The following IPO4 variants were observed in gnomAD, a reference collection of about 807,000 sequenced individuals.
IPO4 encodes the protein importin-4.
Under a neutral mutation model 133.5 loss-of-function variants are expected in IPO4, and 91 were observed. The ratio of observed to expected loss-of-function variants is 0.68; its 90% CI spans 0.58 to 0.81. The LOEUF (loss-of-function observed/expected upper bound fraction) is 0.81, where lower values mean the gene tolerates loss of function less well. Among genes scored for constraint, IPO4 ranks in the 30% least tolerant of loss-of-function variants. The pLI, the probability that IPO4 is intolerant of heterozygous loss-of-function variation, is 0.00. For missense variants in IPO4, 1,279 were observed against 1,386.2 expected (o/e 0.92, Z 1.23); for synonymous variants, 607 against 581.6 (o/e 1.04, Z -0.63).
chr14:24,180,831 G>A, intron 28 of IPO4, 73 bp from the exon 29 acceptor site: 2 of 1,328,146 alleles, frequency 1.5e-6, no homozygotes, highest in African/African-American at 2.9e-5. Context: ...CAGGACCAAG[G>A]AGTGGCAGAA....
intron 7 of IPO4, 40 bp downstream of exon 7, chr14:24,187,045 C>T (rs2295978): frequency 0.31 from 503,971 of 1,611,544 alleles, 80,529 homozygotes; most frequent in East Asian, 0.45. Context: ...GACACTTCTG[C>T]ACTCTCCTTC....
rs1393759470 is a variant in IPO4 at position 24,184,704 on chromosome 14, C to T, written c.1582G>A (p.Glu528Lys). The T allele has an allele frequency of 6.2e-7, 1 of 1,612,798 alleles. No homozygotes were observed. Among genetic ancestry groups the T allele is most frequent in the Non-Finnish European group, 8.5e-7 (1 of 1,179,500 alleles). ...YFPAIMEHLR[E>K]FLLTGREDLQ... Reference sequence around the variant, plus strand: ...TCCTCACGGCCTGTTAACAGGAATTCCCGCAGGTGCTCCATGATGGCAGGG... The same window carrying T: ...TCCTCACGGCCTGTTAACAGGAATTTCCGCAGGTGCTCCATGATGGCAGGG... The change falls in exon 16 of 30, where the codon GAA (glutamate) becomes AAA (lysine). Residue 528 changes from glutamate to lysine, a missense_variant. Coordinates refer to ENST00000354464, the MANE Select transcript of IPO4 (RefSeq NM_024658.4).
Position 24,184,898 on chromosome 14 carries a change from C to T in IPO4, c.1491G>A (p.Lys497=), listed in dbSNP as rs539293941. The change falls in exon 15 of 30, where the codon AAG becomes AAA. Residue 497 remains lysine (K), a synonymous_variant. Coordinates refer to ENST00000354464, the MANE Select transcript of IPO4 (RefSeq NM_024658.4). ...CTCCCAGGGCGCTCACAGCCAGCTC[C>T]TTGGCCCGGGGACTGCTGGGGTTCC... is the stretch of plus-strand genomic sequence containing the variant. The part of the protein sequence containing the change: ...LLRNPSSPRA[K]ELAVSALGAI... 3.1e-6 allele frequency: 5 copies of T among 1,614,134 alleles called. No individual in the cohort carries two copies. The South Asian group carries it at 4.4e-5, about 14-fold the overall frequency.
At chr14:24,184,176 C>T (rs925446062) in intron 17 of IPO4, 67 bp from the exon 18 acceptor site, 72 of 1,566,820 alleles carry the variant, frequency 4.6e-5, no homozygotes, top group Admixed American at 1.4e-4. Flanking sequence ...TGGGGGAGCC[C>T]GGGAACACCT....
intron 4 of IPO4, 86 bp downstream of exon 4, chr14:24,188,130 C>T: frequency 7.1e-7 from 1 of 1,398,646 alleles, no homozygotes; most frequent in Non-Finnish European, 1.0e-6. Flanking sequence ...AGTCCCTGCC[C>T]CACAAGTCCC....
At position 24,181,789 on chromosome 14, in the gene IPO4, A is replaced by T. The variant is rs750428999; in HGVS notation, c.2862T>A (p.His954Gln). 6.2e-7 allele frequency: 1 copy of T among 1,600,914 alleles called. No homozygotes were observed. Among genetic ancestry groups the T allele is most frequent in the African/African-American group, 1.3e-5 (1 of 74,712 alleles). ...CACAGATGTTGTCACGGACACGATC[A>T]TGTCGCTCCCGCGCCAGGAGGGGAA... ...LLFPLLARER[H>Q]DRVRDNICGA... is the part of the protein sequence containing the mutation. The change falls in exon 27 of 30, where the codon CAT becomes CAA. Residue 954 changes from histidine (H) to glutamine (Q), a missense_variant. This residue lies in a region of IPO4 where 575 missense variants were observed against 653.4 expected (regional missense o/e 0.88). Coordinates refer to ENST00000354464, the MANE Select transcript of IPO4 (RefSeq NM_024658.4).
At chr14:24,186,537 G>C in intron 9 of IPO4, 86 bp from the exon 10 acceptor site, 3 of 1,480,968 alleles carry the variant, frequency 2.0e-6, no homozygotes, top group Non-Finnish European at 2.7e-6. Flanking sequence ...CAGGCCATAA[G>C]GGGTCTGACA....
At position 24,183,832 on chromosome 14, in the gene IPO4, C is replaced by G. The variant is rs1435886435; in HGVS notation, c.1936G>C (p.Glu646Gln). The part of the protein sequence containing the change: ...DDESDGEEEE[E>Q]LMDEDVEEED... The stretch of plus-strand genomic sequence containing the variant: ...TCTTCCACATCCTCATCCATGAGCT[C>G]CTCCTCTTCTTCCCCATCACTCTCA... Residue 646 changes from glutamate (E) to glutamine (Q), a missense_variant, in exon 19 of 30, where the codon GAG (glutamate) becomes CAG (glutamine). Coordinates refer to ENST00000354464, the MANE Select transcript of IPO4 (RefSeq NM_024658.4). The G allele has an allele frequency of 1.2e-6, 2 of 1,614,010 alleles. No homozygotes were observed. Among genetic ancestry groups the G allele is most frequent in the Admixed American group, 1.7e-5 (1 of 60,000 alleles).
At chr14:24,182,637 T>TAA in intron 24 of IPO4, 155 bp downstream of exon 24, 1 of 990,536 alleles carries the variant, frequency 1.0e-6, no homozygotes, top group Non-Finnish European at 1.6e-6. Context: ...GAACTCCCAC[T>TAA]GGCTTAGTGG....
chr14:24,183,972 G>GGGGCCCCCCCCCCCCC, intron 18 of IPO4, 26 bp downstream of exon 18: 1 of 1,573,252 alleles, frequency 6.4e-7, no homozygotes, highest in Non-Finnish European at 8.6e-7. Context: ...GGCAGGCCTG[G>GGGGCCCCCCCCCCCCC]CCCAGCCCAC....
intron 9 of IPO4, 123 bp from the exon 10 acceptor site, chr14:24,186,574 G>A: frequency 7.3e-7 from 1 of 1,364,176 alleles, no homozygotes; most frequent in South Asian, 1.3e-5. Context: ...CCAGGCAGGA[G>A]CTGGGGTGAG....
At chr14:24,186,546 C>T (rs751027718) in intron 9 of IPO4, 95 bp from the exon 10 acceptor site, 17 of 1,454,932 alleles carry the variant, frequency 1.2e-5, no homozygotes, top group Non-Finnish European at 1.5e-5. Flanking sequence ...AGGGGTCTGA[C>T]AGAAAATTCC....
chr14:24,186,313 C>T lies in IPO4; in HGVS notation c.979G>A (p.Glu327Lys). ...TGTACAGCGAAATGCTTGGGAGTCT[C>T]CCCCATCAGCTCAATCTCCAACTCT... ...EEELEIELMG[E>K]TPKHFAVQVV... The change falls in exon 10 of 30, where the codon GAG (glutamate) becomes AAG (lysine). Residue 327 changes from glutamate (E) to lysine (K), a missense_variant. Physicochemically the swap from Glu to Lys is moderately conservative, Grantham distance 56. This residue lies in a region of IPO4 where 695 missense variants were observed against 704.1 expected (regional missense o/e 0.99). Coordinates refer to ENST00000354464, the MANE Select transcript of IPO4 (RefSeq NM_024658.4). 1 of 1,609,932 alleles carries T rather than the reference C, an allele frequency of 6.2e-7. No individual in the cohort carries two copies. The highest frequency in any genetic ancestry group is 8.5e-7 in the Non-Finnish European group (1 of 1,177,486).
intron 6 of IPO4, 36 bp downstream of exon 6, chr14:24,187,364 A>G (rs2138819701): frequency 6.2e-7 from 1 of 1,606,900 alleles, no homozygotes; most frequent in Middle Eastern, 1.7e-4. Context: ...AGGCATGAGG[A>G]AAGGGAGTCA....
chr14:24,185,333 G>A (rs971513479), intron 13 of IPO4, 21 bp from the exon 14 acceptor site: 1 of 1,613,952 alleles, frequency 6.2e-7, no homozygotes, highest in African/African-American at 1.3e-5. Flanking sequence ...GAGCAAGCAG[G>A]GCCTGAGTCA....
At chr14:24,182,483 T>C in intron 24 of IPO4, 80 bp from the exon 25 acceptor site, 1 of 1,542,176 alleles carries the variant, frequency 6.5e-7, no homozygotes, top group Non-Finnish European at 8.8e-7. Context: ...TGCCACCAGC[T>C]GCAGGGGTCC....
At chr14:24,185,789 A>G (rs1221623581) in intron 12 of IPO4, 72 bp downstream of exon 12, 18 of 1,201,818 alleles carry the variant, frequency 1.5e-5, no homozygotes, top group Admixed American at 1.7e-5. Context: ...AAGCTTGAAC[A>G]ACAAGCGTAA....
intron 15 of IPO4, 36 bp from the exon 16 acceptor site, chr14:24,184,799 G>T: frequency 6.2e-7 from 1 of 1,602,590 alleles, no homozygotes; most frequent in Non-Finnish European, 8.5e-7. Flanking sequence ...AGCTGGAGAG[G>T]GCAGGGACCA....
chr14:24,186,929 C>T lies in IPO4; in HGVS notation c.705G>A (p.Glu235=). 6.2e-7 allele frequency: 1 copy of T among 1,614,156 alleles called. No homozygotes were observed. The highest frequency in any genetic ancestry group is 8.5e-7 in the Non-Finnish European group (1 of 1,180,030). ...LEALDELLES[E]VPVITPYLSE... is the part of the protein sequence containing the mutation. ...AGAGGTAGGGGGTGATGACCGGCAC[C>T]TCTGACTCCAACAGTTCATCCAAAG... Residue 235 remains glutamate, a synonymous_variant, in exon 8 of 30, where the codon GAG becomes GAA. Coordinates refer to ENST00000354464, the MANE Select transcript of IPO4 (RefSeq NM_024658.4).
Sources: gnomAD v4.1 joint callset for allele counts on GRCh38, gnomAD v4.1.1 for gene constraint, gnomAD v4.1.1 regional missense constraint, MANE v1.5 for transcripts, NCBI Gene and HGNC (gene_info 2026-07-23, HGNC 2026-07-21) for gene names.